The following RFX6 variants were observed in gnomAD, a reference collection of about 807,000 sequenced individuals.
The protein encoded by RFX6 is regulatory factor X6.
RFX6 carries 50 observed loss-of-function variants against 110.8 expected under a neutral mutation model. The observed-to-expected ratio is 0.45, with a 90% CI of 0.36 to 0.57. The LOEUF (loss-of-function observed/expected upper bound fraction) is 0.57, where lower values mean the gene tolerates loss of function less well. Ranked by LOEUF, RFX6 falls within the 20% of genes least tolerant of loss-of-function variation. The pLI is 0.00. For missense variants in RFX6, 990 were observed against 1,127.0 expected (o/e 0.88, Z 1.74); for synonymous variants, 383 against 411.2 (o/e 0.93, Z 0.83).
At chr6:116,911,708 AG>A (rs1775356323) in intron 7 of RFX6, among the ~76,000 whole-genome samples, 1 of 152,192 alleles carries the variant, frequency 6.6e-6, no homozygotes. Context: ...ATTAAATTAG[AG>A]CATAATTATT....
At chr6:116,917,524 CT>C (rs1455576607) in intron 9 of RFX6, among the ~76,000 whole-genome samples, 1 of 152,092 alleles carries the variant, frequency 6.6e-6, no homozygotes, top group Non-Finnish European at 1.5e-5. Context: ...CAGACCAAAG[CT>C]TTTTGGACTG....
chr6:116,927,530 T>A lies in RFX6; in HGVS notation c.2389T>A (p.Ser797Thr). 1 of 1,613,354 alleles carries A rather than the reference T, an allele frequency of 6.2e-7. No individual in the cohort carries two copies. The highest frequency in any genetic ancestry group is 2.2e-5 in the East Asian group (1 of 44,868). ...SCQGATLPPNSPNGYYGSNIN... is the reference protein window; with the variant it reads ...SCQGATLPPNTPNGYYGSNIN... ...CCAAGGAGCAACACTGCCTCCTAAT[T>A]CACCAAATGGTATTGATATTTAAAA... The change falls in exon 17 of 19, where the codon TCA becomes ACA. Residue 797 changes from serine (S) to threonine (T), a missense_variant. Ser to Thr is a moderately conservative substitution (Grantham distance 58). Around this residue, in one of 5 missense-constraint regions of RFX6, gnomAD observed 438 missense variants for 441.9 expected, o/e 0.99. Transcript: ENST00000332958.
intron 4 of RFX6, among the ~76,000 whole-genome samples, chr6:116,884,610 T>C (rs962127634): frequency 6.6e-6 from 1 of 152,128 alleles, no homozygotes; most frequent in African/African-American, 2.4e-5. Context: ...AGTAAATAGA[T>C]AGGGGGAAAA....
Position 116,919,251 on chromosome 6 carries a change from T to C in RFX6, c.1137T>C (p.Phe379=), listed in dbSNP as rs1775539921. The change falls in exon 11 of 19, where the codon TTT becomes TTC. Residue 379 remains phenylalanine (F), a synonymous_variant. Transcript: ENST00000332958. ...TDKKIPIVRR[F]VSSLKRQTSF... is the part of the protein sequence containing the mutation. The stretch of plus-strand genomic sequence containing the variant: ...AGAAAATACCTATTGTGCGAAGATT[T>C]GTATCTTCTCTGAAACGACAAACAT... The C allele has an allele frequency of 1.9e-6, 3 of 1,613,416 alleles. No individual in the cohort carries two copies. The South Asian group carries it at 3.3e-5, about 18-fold the overall frequency.
At chr6:116,908,564 T>C (rs911650127) in intron 6 of RFX6, among the ~76,000 whole-genome samples, 1 of 152,038 alleles carries the variant, frequency 6.6e-6, no homozygotes, top group African/African-American at 2.4e-5. Context: ...CAAATTTACC[T>C]TGTTTGTGAT....
At chr6:116,895,050 A>T in intron 5 of RFX6, 130 bp from the exon 6 acceptor site, 1 of 559,078 alleles carries the variant, frequency 1.8e-6, no homozygotes, top group Non-Finnish European at 3.3e-6. Context: ...TCTTTAAAAA[A>T]AGCAAATTTC....
rs1379638014 is a variant in RFX6 at position 116,924,774 on chromosome 6, A to G, written c.1661A>G (p.Lys554Arg). ...KEQELQNLLD[K>R]YMKNSDASKA... ...CAGGAGTTACAGAATTTATTGGACA[A>G]GTATATGAAGAATTCAGGTAACTTA... is the stretch of plus-strand genomic sequence containing the variant. The change falls in exon 15 of 19, where the codon AAG (lysine) becomes AGG (arginine). Residue 554 changes from lysine (K) to arginine (R), a missense_variant. By Grantham distance (26) the Lys-to-Arg change is conservative (BLOSUM62 2). Transcript: ENST00000332958. 1 of 1,587,784 alleles carries G rather than the reference A, an allele frequency of 6.3e-7. No individual in the cohort carries two copies. The highest frequency in any genetic ancestry group is 1.7e-5 in the Admixed American group (1 of 59,956).
chr6:116,905,357 A>G (rs184108472), intron 6 of RFX6, among the ~76,000 whole-genome samples: 2 of 152,276 alleles, frequency 1.3e-5, no homozygotes, highest in Admixed American at 1.3e-4. Flanking sequence ...AGAAGTGTAT[A>G]TCAAGTCCTT....
At chr6:116,899,222 A>C (rs1775015768) in intron 6 of RFX6, among the ~76,000 whole-genome samples, 1 of 152,198 alleles carries the variant, frequency 6.6e-6, no homozygotes, top group Non-Finnish European at 1.5e-5. Context: ...ATGACATACC[A>C]TGTGCCTGGA....
intron 14 of RFX6, chr6:116,923,539 A>G (rs539584205): frequency 2.9e-6 from 1 of 342,708 alleles, no homozygotes; most frequent in African/African-American, 2.1e-5. Flanking sequence ...AGCACTCAGG[A>G]AATGCTTAAT....
chr6:116,917,104 TCA>T (rs2114694117), intron 9 of RFX6, among the ~76,000 whole-genome samples: 1 of 152,282 alleles, frequency 6.6e-6, no homozygotes, highest in Non-Finnish European at 1.5e-5. Flanking sequence ...TATCAGATTC[TCA>T]GCTTTGCAGA....
intron 9 of RFX6, among the ~76,000 whole-genome samples, chr6:116,917,235 C>G (rs1029047647): frequency 5.3e-5 from 8 of 151,888 alleles, no homozygotes; most frequent in African/African-American, 1.9e-4. Flanking sequence ...CCAGTACTTC[C>G]TCATCACAGG....
chr6:116,881,525 A>G (rs542139133), intron 3 of RFX6, among the ~76,000 whole-genome samples: 84 of 152,232 alleles, frequency 5.5e-4, no homozygotes, highest in African/African-American at 1.9e-3. Context: ...GTGATATTAT[A>G]CATTGTAATC....
At chr6:116,888,410 T>G (rs948189189) in intron 4 of RFX6, among the ~76,000 whole-genome samples, 1 of 152,198 alleles carries the variant, frequency 6.6e-6, no homozygotes, top group African/African-American at 2.4e-5. Context: ...TTTCATAAAT[T>G]TTAAATCAGA....
intron 1 of RFX6, 66 bp from the exon 2 acceptor site, chr6:116,877,730 A>T: frequency 6.5e-7 from 1 of 1,531,126 alleles, no homozygotes; most frequent in South Asian, 1.1e-5. Context: ...GTTAAGGTAC[A>T]CTTAAAGGCG....
chr6:116,900,222 C>A (rs1430442023), intron 6 of RFX6, among the ~76,000 whole-genome samples: 1 of 152,092 alleles, frequency 6.6e-6, no homozygotes, highest in African/African-American at 2.4e-5. Flanking sequence ...TATATCCTTT[C>A]CTGCTAATTC....
At chr6:116,894,088 C>A (rs755227720) in intron 5 of RFX6, 24 bp downstream of exon 5, 6 of 1,243,396 alleles carry the variant, frequency 4.8e-6, no homozygotes, top group East Asian at 2.3e-5. Context: ...ATCTTCAAGA[C>A]AAATTCTCTG....
intron 4 of RFX6, among the ~76,000 whole-genome samples, chr6:116,890,919 A>G (rs1048982275): frequency 3.3e-5 from 5 of 152,218 alleles, no homozygotes; most frequent in African/African-American, 1.2e-4. Context: ...AATCATTTAT[A>G]ACAATAAGAA....
At chr6:116,901,685 C>A (rs560783889) in intron 6 of RFX6, among the ~76,000 whole-genome samples, 2 of 152,238 alleles carry the variant, frequency 1.3e-5, no homozygotes, top group East Asian at 3.9e-4. Context: ...AAAATTAAAA[C>A]CCTAATGTGT....
Sources: gnomAD v4.1 joint callset for allele counts (sites outside exome capture counted in the v4.1 genomes callset) on GRCh38, gnomAD v4.1.1 for gene constraint, gnomAD v4.1.1 regional missense constraint, MANE v1.5 for transcripts, NCBI Gene and HGNC (gene_info 2026-07-23, HGNC 2026-07-21) for gene names.